GPR137C: variants seen among roughly 807,000 people sequenced by gnomAD.
GPR137C encodes integral membrane protein GPR137C.
GPR137C carries 27 observed loss-of-function variants against 43.4 expected under a neutral mutation model. The observed-to-expected ratio is 0.62, with a 90% confidence interval of 0.46 to 0.86. The LOEUF (loss-of-function observed/expected upper bound fraction) is 0.86, where lower values mean the gene tolerates loss of function less well. Ranked by LOEUF, GPR137C falls within the 40% of genes least tolerant of loss-of-function variation. The pLI is 0.00. For synonymous variants in GPR137C, 285 were observed against 226.9 expected, an observed-to-expected ratio of 1.26 and a Z score of -2.30; for missense variants, 522 against 534.6, an observed-to-expected ratio of 0.98 and a Z score of 0.23.
chr14:52,558,551 G>GT (rs1237305677), intron 1 of GPR137C, among the ~76,000 whole-genome samples: 2 of 152,164 alleles, frequency 1.3e-5, no homozygotes, highest in Non-Finnish European at 2.9e-5. Flanking sequence ...TCAAGGAGCT[G>GT]TAAGAAGCAG....
intron 1 of GPR137C, among the ~76,000 whole-genome samples, chr14:52,573,428 A>T (rs533536934): frequency 6.6e-6 from 1 of 152,358 alleles, no homozygotes; most frequent in South Asian, 2.1e-4. Flanking sequence ...ACATGTCTAC[A>T]ACCATCTGAT....
intron 1 of GPR137C, among the ~76,000 whole-genome samples, chr14:52,565,491 C>T (rs1022180433): frequency 5.3e-5 from 8 of 152,168 alleles, no homozygotes. Flanking sequence ...GATATGCCAT[C>T]TATGTCTGCT....
intron 1 of GPR137C, among the ~76,000 whole-genome samples, chr14:52,554,215 C>T (rs960642327): frequency 1.3e-5 from 2 of 152,144 alleles, no homozygotes; most frequent in African/African-American, 4.8e-5. Flanking sequence ...TCCATAAAGC[C>T]CTTAATGTTT....
chr14:52,586,050 G>A (rs1387772246), intron 1 of GPR137C, among the ~76,000 whole-genome samples: 2 of 152,162 alleles, frequency 1.3e-5, no homozygotes, highest in Non-Finnish European at 2.9e-5. Context: ...CAGAGACAGA[G>A]ATAGACATTT....
chr14:52,633,562 T>C lies in GPR137C; in HGVS notation c.900T>C (p.Tyr300=), dbSNP rs777292066. ...TAGAAGACATAAGTGGAGAAGAGTA[T>C]ATAGTATTTGGAATGGTCCTCTTTC... is the stretch of plus-strand genomic sequence containing the variant. ...AHVEDISGEE[Y]IVFGMVLFLW... Residue 300 remains tyrosine, a synonymous_variant, in exon 5 of 7, where the codon TAT becomes TAC. Transcript: ENST00000321662. 1.2e-6 allele frequency: 2 copies of C among 1,612,144 alleles called. No homozygotes were observed. The highest frequency in any genetic ancestry group is 1.1e-5 in the South Asian group (1 of 91,038).
chr14:52,608,687 T>G (rs1454486050), intron 3 of GPR137C, among the ~76,000 whole-genome samples: 1 of 152,178 alleles, frequency 6.6e-6, no homozygotes, highest in Non-Finnish European at 1.5e-5. Flanking sequence ...AAATAATAGC[T>G]TTGCTAGATA....
intron 1 of GPR137C, among the ~76,000 whole-genome samples, chr14:52,571,985 T>C (rs904621748): frequency 6.6e-6 from 1 of 152,128 alleles, no homozygotes; most frequent in African/African-American, 2.4e-5. Flanking sequence ...ACAAATAAAC[T>C]AGAATATCCA....
intron 1 of GPR137C, among the ~76,000 whole-genome samples, chr14:52,557,990 AAAG>A (rs2139430869): frequency 6.6e-6 from 1 of 152,300 alleles, no homozygotes; most frequent in African/African-American, 2.4e-5. Flanking sequence ...CTCTTGGTTT[AAAG>A]AAGTAGAAGC....
chr14:52,586,416 C>T (rs1484757648), intron 1 of GPR137C, among the ~76,000 whole-genome samples: 1 of 152,238 alleles, frequency 6.6e-6, no homozygotes, highest in South Asian at 2.1e-4. Flanking sequence ...AAACTATTCT[C>T]TGCAAGGTAC....
Position 52,553,583 on chromosome 14 carries a change from C to T in GPR137C, c.436C>T (p.Leu146=). Residue 146 remains leucine, a synonymous_variant, in exon 1 of 7, where the codon CTG becomes TTG. Coordinates refer to ENST00000321662, the MANE Select transcript of GPR137C (RefSeq NM_001099652.2). ...FSTLCLLNLY[L]AEVICKVRCA... ...CACGCTCTGTCTCCTCAACCTCTAC[C>T]TGGCGGAGGTAAGGCGGGAGGGCCG... 7 of 1,559,240 alleles carry T rather than the reference C, an allele frequency of 4.5e-6. No homozygotes were observed. The highest frequency in any genetic ancestry group is 2.3e-5 in the South Asian group (2 of 85,964).
At chr14:52,563,772 C>T (rs766055373) in intron 1 of GPR137C, among the ~76,000 whole-genome samples, 4 of 152,202 alleles carry the variant, frequency 2.6e-5, no homozygotes, top group Non-Finnish European at 5.9e-5. Context: ...CCTCATTACG[C>T]ACATTCACTG....
rs142032935 is a variant in GPR137C, at chr14:52,622,972, C to T, written c.718-9188C>T. ...CACCGTCTTGATTTGTGCTAAGGCCCAATAATTTTACACACAATTGGTCTA... is the reference window on the plus strand; with the variant it reads ...CACCGTCTTGATTTGTGCTAAGGCCTAATAATTTTACACACAATTGGTCTA... On this transcript the variant is annotated intron_variant, in intron 3 of 6. Transcript: ENST00000321662. Among the ~76,000 whole-genome samples, 528 of 152,052 alleles carry T rather than the reference C, an allele frequency of 3.5e-3. 3 individuals carry two copies. The highest frequency in any genetic ancestry group is 0.012 in the African/African-American group (493 of 41,522).
At chr14:52,603,962 C>T (rs987540020) in intron 3 of GPR137C, among the ~76,000 whole-genome samples, 8 of 152,140 alleles carry the variant, frequency 5.3e-5, no homozygotes, top group African/African-American at 1.4e-4. Flanking sequence ...ACCATTCTAA[C>T]TATAGTGAGA....
chr14:52,572,242 T>C (rs2038482489), intron 1 of GPR137C, among the ~76,000 whole-genome samples: 1 of 152,210 alleles, frequency 6.6e-6, no homozygotes, highest in Non-Finnish European at 1.5e-5. Context: ...CCCTAACTCA[T>C]TTTATGAGGC....
chr14:52,563,370 C>A (rs758410605), intron 1 of GPR137C, among the ~76,000 whole-genome samples: 2 of 152,180 alleles, frequency 1.3e-5, no homozygotes, highest in Non-Finnish European at 2.9e-5. Context: ...CTCACCCATA[C>A]TACTCTGAGC....
At position 52,636,093 on chromosome 14, in the gene GPR137C, G is replaced by A. The variant is rs1410976330; in HGVS notation, c.*978G>A. 1.3e-5 allele frequency: 2 copies of A among 151,994 alleles called. No individual in the cohort carries two copies. The highest frequency in any genetic ancestry group is 2.4e-5 in the African/African-American group (1 of 41,410). 9.4% of individuals were successfully genotyped at this position (151,994 alleles called of 1,614,324 possible). ...TGAAATCATGATACATTATTGCAGT[G>A]AACTCAAGTGCAATACTTTGTAAGA... On this transcript the variant is annotated 3_prime_UTR_variant, in exon 7 of 7. Transcript: ENST00000321662.
chr14:52,574,370 A>G (rs2038518545), intron 1 of GPR137C, among the ~76,000 whole-genome samples: 1 of 152,224 alleles, frequency 6.6e-6, no homozygotes, highest in African/African-American at 2.4e-5. Context: ...CATATACACC[A>G]TGAAATACTA....
At chr14:52,596,093 T>C (rs1566615584) in intron 1 of GPR137C, among the ~76,000 whole-genome samples, 1 of 152,182 alleles carries the variant, frequency 6.6e-6, no homozygotes, top group African/African-American at 2.4e-5. Flanking sequence ...TGTAGGTCTG[T>C]TGGAGTTTGC....
intron 3 of GPR137C, among the ~76,000 whole-genome samples, chr14:52,605,594 G>A (rs1213144758): frequency 1.3e-5 from 2 of 152,178 alleles, no homozygotes; most frequent in Non-Finnish European, 2.9e-5. Flanking sequence ...TTGTGTAAAA[G>A]TGGTGAAAGT....
Sources: allele counts gnomAD v4.1 joint callset (sites outside exome capture counted in the v4.1 genomes callset), GRCh38; gene constraint gnomAD v4.1.1; transcripts MANE v1.5; gene names NCBI Gene and HGNC (gene_info 2026-07-23, HGNC 2026-07-21).